The following DENND1A variants were observed in gnomAD, a reference collection of about 807,000 sequenced individuals.
The protein encoded by DENND1A is DENN domain containing 1A.
DENND1A carries 51 observed loss-of-function variants against 113.7 expected under a neutral mutation model. The ratio of observed to expected loss-of-function variants is 0.45; its 90% CI spans 0.36 to 0.57. The LOEUF is 0.57. Ranked by LOEUF, DENND1A falls within the 20% of genes least tolerant of loss-of-function variation. The pLI is 0.00. For synonymous variants in DENND1A, 565 were observed against 570.8 expected (o/e 0.99, Z 0.14); for missense variants, 1,258 against 1,395.9 (o/e 0.90, Z 1.57).
chr9:123,472,015 A>G (rs74824185), intron 13 of DENND1A, among the ~76,000 whole-genome samples: 1,600 of 152,294 alleles, frequency 0.011, 27 homozygotes, highest in African/African-American at 0.036. Context: ...CAGTTGCCTC[A>G]GCTATAAATT....
At chr9:123,447,555 C>A (rs1044815770) in intron 18 of DENND1A, among the ~76,000 whole-genome samples, 3 of 152,064 alleles carry the variant, frequency 2.0e-5, no homozygotes, top group Admixed American at 6.6e-5. Context: ...AAACCCAAGG[C>A]GAGGGTGAAG....
chr9:123,450,951 GATTTT>G (rs1281029234), intron 17 of DENND1A, among the ~76,000 whole-genome samples: 1 of 152,066 alleles, frequency 6.6e-6, no homozygotes, highest in African/African-American at 2.4e-5. Flanking sequence ...AGGCTGCAGA[GATTTT>G]ATTTTCTGCA....
chr9:123,458,570 T>A (rs1212284631), intron 13 of DENND1A, among the ~76,000 whole-genome samples: 2 of 152,120 alleles, frequency 1.3e-5, no homozygotes, highest in African/African-American at 2.4e-5. Flanking sequence ...CAAGGGCTAT[T>A]TAGGGAGACA....
intron 9 of DENND1A, among the ~76,000 whole-genome samples, chr9:123,631,945 T>C (rs1451497259): frequency 1.3e-5 from 2 of 152,236 alleles, no homozygotes; most frequent in African/African-American, 2.4e-5. Context: ...TATTTCTTTC[T>C]GTCTTTTTTT....
intron 5 of DENND1A, among the ~76,000 whole-genome samples, chr9:123,697,701 C>T (rs958784236): frequency 1.3e-5 from 2 of 152,172 alleles, no homozygotes; most frequent in African/African-American, 2.4e-5. Flanking sequence ...CCCCTTCCCC[C>T]ACTTCTGCAG....
intron 20 of DENND1A, among the ~76,000 whole-genome samples, chr9:123,410,162 C>T (rs1212189455): frequency 3.3e-5 from 5 of 152,234 alleles, no homozygotes; most frequent in Admixed American, 1.3e-4. Flanking sequence ...CATCCACTTT[C>T]CTTCTCACAA....
chr9:123,857,287 G>A (rs1047962583), intron 2 of DENND1A, among the ~76,000 whole-genome samples: 1 of 152,194 alleles, frequency 6.6e-6, no homozygotes, highest in African/African-American at 2.4e-5. Flanking sequence ...CTTCAAGTTG[G>A]CTCCTAATGA....
chr9:123,616,806 A>T (rs1234825175), intron 10 of DENND1A, among the ~76,000 whole-genome samples: 1 of 152,244 alleles, frequency 6.6e-6, no homozygotes, highest in Non-Finnish European at 1.5e-5. Context: ...TTAGTCAGTC[A>T]GTCAACAGGT....
At chr9:123,434,226 C>T (rs910304726) in intron 19 of DENND1A, among the ~76,000 whole-genome samples, 1 of 152,138 alleles carries the variant, frequency 6.6e-6, no homozygotes, top group African/African-American at 2.4e-5. Context: ...AGGGTTTCAC[C>T]ATGTTGGCCA....
chr9:123,396,718 G>C (rs1449174034), intron 21 of DENND1A, among the ~76,000 whole-genome samples: 1 of 152,174 alleles, frequency 6.6e-6, no homozygotes, highest in Non-Finnish European at 1.5e-5. Context: ...CAAGGGTCAG[G>C]CATTTGGGGT....
intron 5 of DENND1A, among the ~76,000 whole-genome samples, chr9:123,697,731 G>A (rs1024881974): frequency 1.3e-5 from 2 of 152,022 alleles, no homozygotes; most frequent in Admixed American, 6.6e-5. Flanking sequence ...AGGGTTCTTG[G>A]AGCCTCAATG....
At chr9:123,726,170 G>A (rs2067692712) in intron 5 of DENND1A, among the ~76,000 whole-genome samples, 1 of 152,104 alleles carries the variant, frequency 6.6e-6, no homozygotes, top group South Asian at 2.1e-4. Context: ...TTAATAATGG[G>A]CAACCTTTAT....
intron 2 of DENND1A, among the ~76,000 whole-genome samples, chr9:123,862,082 C>T (rs895776241): frequency 6.6e-6 from 1 of 152,194 alleles, no homozygotes; most frequent in African/African-American, 2.4e-5. Context: ...CTCTAACGTA[C>T]TAATTCCTAA....
intron 5 of DENND1A, among the ~76,000 whole-genome samples, chr9:123,737,117 GAATT>G (rs1375108397): frequency 5.3e-5 from 8 of 152,182 alleles, no homozygotes; most frequent in East Asian, 1.9e-4. Context: ...TGCTAGGTTA[GAATT>G]AATATTGGCA....
intron 3 of DENND1A, among the ~76,000 whole-genome samples, chr9:123,789,203 T>C (rs1832645231): frequency 6.6e-6 from 1 of 152,088 alleles, no homozygotes; most frequent in Non-Finnish European, 1.5e-5. Context: ...TTAATGGTTT[T>C]AAACCATAGA....
At chr9:123,873,986 C>A (rs1847052516) in intron 2 of DENND1A, among the ~76,000 whole-genome samples, 1 of 152,068 alleles carries the variant, frequency 6.6e-6, no homozygotes, top group African/African-American at 2.4e-5. Context: ...TGTGATCCGC[C>A]CACCTTGACC....
At chr9:123,916,316 C>T (rs1433366411) in intron 1 of DENND1A, among the ~76,000 whole-genome samples, 1 of 150,942 alleles carries the variant, frequency 6.6e-6, no homozygotes, top group African/African-American at 2.4e-5. Flanking sequence ...ACATGGAATG[C>T]TATCACTTAT....
intron 12 of DENND1A, among the ~76,000 whole-genome samples, chr9:123,572,879 T>C (rs1328368506): frequency 6.6e-6 from 1 of 152,184 alleles, no homozygotes; most frequent in Non-Finnish European, 1.5e-5. Flanking sequence ...CCCCAATTCA[T>C]GAGGATTCCC....
chr9:123,458,381 T>C (rs577270762), intron 13 of DENND1A, among the ~76,000 whole-genome samples: 3 of 152,278 alleles, frequency 2.0e-5, no homozygotes, highest in Admixed American at 2.0e-4. Context: ...ATAATAGAAA[T>C]ATCTAACTAT....
Sources: allele counts gnomAD v4.1 joint callset (sites outside exome capture counted in the v4.1 genomes callset), GRCh38; gene constraint gnomAD v4.1.1; transcripts MANE v1.5; gene names NCBI Gene and HGNC (gene_info 2026-07-23, HGNC 2026-07-21).